The following ZNF385D variants were observed in gnomAD, a reference collection of about 807,000 sequenced individuals.
The protein encoded by ZNF385D is zinc finger protein 659.
In ZNF385D, 15 loss-of-function variants were observed where a neutral mutation model predicts 35.8. The ratio of observed to expected loss-of-function variants is 0.42; its 90% CI spans 0.28 to 0.64. ZNF385D has a LOEUF of 0.64. ZNF385D is among the 30% of genes least tolerant of loss of function. The pLI is 0.23. For synonymous variants in ZNF385D, 212 were observed against 186.8 expected (o/e 1.13, Z -1.10); for missense variants, 474 against 494.6 (o/e 0.96, Z 0.39).
At chr3:21,853,339 T>C (rs1475344006) in intron 3 of ZNF385D, among the ~76,000 whole-genome samples, 1 of 151,772 alleles carries the variant, frequency 6.6e-6, no homozygotes, top group East Asian at 1.9e-4. Flanking sequence ...TTTTAAAACA[T>C]TTTTTAGGAA....
intron 3 of ZNF385D, among the ~76,000 whole-genome samples, chr3:21,911,965 T>TA (rs1468189457): frequency 5.9e-5 from 9 of 151,942 alleles, no homozygotes; most frequent in Admixed American, 2.0e-4. Context: ...TCTAGTACCT[T>TA]AAAAATGAAA....
intron 3 of ZNF385D, among the ~76,000 whole-genome samples, chr3:22,074,285 G>A (rs776931511): frequency 1.3e-5 from 2 of 151,884 alleles, no homozygotes; most frequent in African/African-American, 2.4e-5. Context: ...TGATTATGTC[G>A]ATGCAGAAAT....
chr3:21,739,000 A>T (rs2125515878), intron 1 of ZNF385D, among the ~76,000 whole-genome samples: 1 of 152,326 alleles, frequency 6.6e-6, no homozygotes, highest in East Asian at 1.9e-4. Flanking sequence ...TAATAGAAAA[A>T]CAAAAGTGCA....
At chr3:21,445,923 T>C (rs1702123015) in intron 4 of ZNF385D, among the ~76,000 whole-genome samples, 1 of 152,194 alleles carries the variant, frequency 6.6e-6, no homozygotes, top group Non-Finnish European at 1.5e-5. Flanking sequence ...TTCTTTATGC[T>C]CCTTTGGCTC....
At chr3:22,345,956 G>A (rs1168810199) in intron 2 of ZNF385D, among the ~76,000 whole-genome samples, 2 of 152,296 alleles carry the variant, frequency 1.3e-5, no homozygotes, top group Admixed American at 6.5e-5. Context: ...CTGCATCACA[G>A]TTCAGCTTCT....
chr3:22,004,498 T>A (rs1459801199), intron 3 of ZNF385D, among the ~76,000 whole-genome samples: 1 of 152,166 alleles, frequency 6.6e-6, no homozygotes, highest in African/African-American at 2.4e-5. Flanking sequence ...AGAGACAACC[T>A]GTGGAATAGG....
chr3:21,824,780 A>C (rs1376288351), intron 3 of ZNF385D, among the ~76,000 whole-genome samples: 1 of 152,188 alleles, frequency 6.6e-6, no homozygotes, highest in Non-Finnish European at 1.5e-5. Flanking sequence ...TAATATTTTG[A>C]TAAATATTTT....
chr3:21,702,398 C>T (rs918723275), intron 1 of ZNF385D, among the ~76,000 whole-genome samples: 8 of 152,156 alleles, frequency 5.3e-5, no homozygotes, highest in Non-Finnish European at 7.3e-5. Context: ...TGCCACAGCA[C>T]GGGAACCCTG....
chr3:22,064,095 C>A (rs1262075013), intron 3 of ZNF385D, among the ~76,000 whole-genome samples: 3 of 152,164 alleles, frequency 2.0e-5, no homozygotes. Context: ...CTTTAGGGGA[C>A]TGCTAGGACT....
intron 3 of ZNF385D, among the ~76,000 whole-genome samples, chr3:21,830,752 T>C (rs1335907564): frequency 6.6e-6 from 1 of 152,176 alleles, no homozygotes; most frequent in Non-Finnish European, 1.5e-5. Context: ...CCTGGAAATT[T>C]TGCTTGCAGT....
At chr3:22,042,940 A>G (rs180745204) in intron 3 of ZNF385D, among the ~76,000 whole-genome samples, 1 of 152,106 alleles carries the variant, frequency 6.6e-6, no homozygotes, top group Non-Finnish European at 1.5e-5. Context: ...TAAAATTCTA[A>G]TTTTCTCAAC....
intron 2 of ZNF385D, among the ~76,000 whole-genome samples, chr3:22,321,100 C>T (rs970094281): frequency 2.0e-5 from 3 of 149,450 alleles, no homozygotes; most frequent in Non-Finnish European, 3.0e-5. Context: ...TATCACACTT[C>T]ATCCTGTTCA....
intron 2 of ZNF385D, among the ~76,000 whole-genome samples, chr3:21,583,471 TGAA>T (rs1172648482): frequency 6.6e-6 from 1 of 152,186 alleles, no homozygotes; most frequent in Admixed American, 6.5e-5. Context: ...CAGCTTCAGA[TGAA>T]GAACAAAACT....
At chr3:21,826,389 G>T (rs78933247) in intron 3 of ZNF385D, among the ~76,000 whole-genome samples, 2,059 of 152,214 alleles carry the variant, frequency 0.014, 26 homozygotes, top group South Asian at 0.028. Context: ...GCTAGTAGCT[G>T]AACAGCCCTT....
intron 4 of ZNF385D, among the ~76,000 whole-genome samples, chr3:21,494,229 G>C (rs1446254031): frequency 6.6e-6 from 1 of 152,076 alleles, no homozygotes; most frequent in East Asian, 1.9e-4. Flanking sequence ...AAAAAGACTT[G>C]GTCCTTGACC....
At chr3:21,872,423 T>C (rs563122201) in intron 3 of ZNF385D, among the ~76,000 whole-genome samples, 30 of 152,224 alleles carry the variant, frequency 2.0e-4, no homozygotes, top group African/African-American at 7.2e-4. Flanking sequence ...TTTTGAAAAA[T>C]GAAAATCTAT....
At chr3:21,979,839 A>T (rs1344114833) in intron 3 of ZNF385D, 3 of 152,198 alleles carry the variant, frequency 2.0e-5, no homozygotes, top group African/African-American at 7.2e-5. Context: ...TTGTATGAGC[A>T]TTAGTCACGT....
At chr3:22,202,745 G>A (rs1320468203) in intron 2 of ZNF385D, among the ~76,000 whole-genome samples, 1 of 152,048 alleles carries the variant, frequency 6.6e-6, no homozygotes, top group Non-Finnish European at 1.5e-5. Context: ...TGTGAGCTTG[G>A]GGAAAAGACA....
chr3:21,881,054 G>T (rs556002352), intron 3 of ZNF385D, among the ~76,000 whole-genome samples: 1 of 151,932 alleles, frequency 6.6e-6, no homozygotes, highest in East Asian at 1.9e-4. Context: ...AAGGAAAGAA[G>T]CCATGTTCAT....
Sources: allele counts gnomAD v4.1 joint callset (sites outside exome capture counted in the v4.1 genomes callset), GRCh38; gene constraint gnomAD v4.1.1; transcripts MANE v1.5; gene names NCBI Gene and HGNC (gene_info 2026-07-23, HGNC 2026-07-21).